FBXO36: variants seen among roughly 807,000 people sequenced by gnomAD.
FBXO36 encodes the protein F-box only protein 36.
A neutral mutation model predicts 17.0 loss-of-function variants in FBXO36; 18 were observed. The ratio of observed to expected loss-of-function variants is 1.06; its 90% CI spans 0.73 to 1.57. The LOEUF (loss-of-function observed/expected upper bound fraction) is 1.57, where lower values mean the gene tolerates loss of function less well. FBXO36 is among the 40% of genes most tolerant of loss of function. The pLI is 0.00. For missense variants in FBXO36, 229 were observed against 221.9 expected (o/e 1.03, Z -0.20); for synonymous variants, 83 against 85.3 (o/e 0.97, Z 0.15).
chr2:229,926,886 G>T (rs1177372073), intron 1 of FBXO36, among the ~76,000 whole-genome samples: 1 of 151,768 alleles, frequency 6.6e-6, no homozygotes, highest in Non-Finnish European at 1.5e-5. Context: ...TGCAACAAGA[G>T]CCTCACTCTG....
At chr2:229,928,601 CTGAATAT>C (rs901659951) in intron 1 of FBXO36, among the ~76,000 whole-genome samples, 50 of 152,292 alleles carry the variant, frequency 3.3e-4, no homozygotes, top group African/African-American at 9.1e-4. Flanking sequence ...AATATTGAGG[CTGAATAT>C]TGAATATTGA....
At chr2:229,974,722 A>G (rs373355916) in intron 1 of FBXO36, among the ~76,000 whole-genome samples, 1 of 152,152 alleles carries the variant, frequency 6.6e-6, no homozygotes, top group Non-Finnish European at 1.5e-5. Flanking sequence ...TCATTATAAC[A>G]TAGAGGCCTT....
At chr2:229,929,728 G>A (rs936999620) in intron 1 of FBXO36, among the ~76,000 whole-genome samples, 11 of 151,800 alleles carry the variant, frequency 7.2e-5, no homozygotes, top group African/African-American at 1.2e-4. Flanking sequence ...GAATGGTGGC[G>A]CACGCCTGTA....
At chr2:229,941,102 G>A (rs1038994342) in intron 1 of FBXO36, among the ~76,000 whole-genome samples, 5 of 152,086 alleles carry the variant, frequency 3.3e-5, no homozygotes, top group African/African-American at 9.7e-5. Context: ...TGAATCTACC[G>A]ACTGACCAGC....
At chr2:229,951,892 G>A (rs2077059472) in intron 1 of FBXO36, among the ~76,000 whole-genome samples, 1 of 152,172 alleles carries the variant, frequency 6.6e-6, no homozygotes, top group African/African-American at 2.4e-5. Context: ...AAGGACCCTG[G>A]AATGCTTTGG....
At chr2:229,931,895 G>A (rs1341934040) in intron 1 of FBXO36, among the ~76,000 whole-genome samples, 1 of 150,316 alleles carries the variant, frequency 6.7e-6, no homozygotes, top group Non-Finnish European at 1.5e-5. Context: ...TTTTCTTTTG[G>A]TTTTTTGCTT....
At chr2:229,987,401 C>T (rs2077274578) in intron 2 of FBXO36, among the ~76,000 whole-genome samples, 1 of 151,914 alleles carries the variant, frequency 6.6e-6, no homozygotes, top group East Asian at 1.9e-4. Flanking sequence ...TGGTAATTTA[C>T]ATTTTCTCTA....
At chr2:229,932,256 T>G (rs2076942493) in intron 1 of FBXO36, among the ~76,000 whole-genome samples, 1 of 151,630 alleles carries the variant, frequency 6.6e-6, no homozygotes. Flanking sequence ...CACGGTGGCT[T>G]ACGCCTGTTA....
At chr2:229,960,287 TCTACCTCGGCCTCCTGAGGAGCTGGGA>T (rs1285464796) in intron 1 of FBXO36, among the ~76,000 whole-genome samples, 1 of 151,456 alleles carries the variant, frequency 6.6e-6, no homozygotes, top group Non-Finnish European at 1.5e-5. Context: ...AAGTGATCCT[TCTACCTCGGCCTCCTGAGGAGCTGGGA>T]CTACATACAG....
In FBXO36 at chr2:229,996,932, C is replaced by A; in HGVS notation, c.378+9C>A. Reference sequence around the variant, plus strand: ...CACACAGATTTGCAAAGGTAACGGTCAATTATTTTATGTCTATATAGAATT... The same window carrying A: ...CACACAGATTTGCAAAGGTAACGGTAAATTATTTTATGTCTATATAGAATT... On this transcript the variant is annotated intron_variant, in intron 3 of 3. Transcript: ENST00000283946. 1.2e-6 allele frequency: 2 copies of A among 1,602,646 alleles called. No homozygotes were observed. The highest frequency in any genetic ancestry group is 2.3e-5 in the South Asian group (2 of 88,102).
Position 229,982,838 on chromosome 2 carries a change from C to T in FBXO36, c.205+6489C>T, listed in dbSNP as rs150490901. 5.1e-3 allele frequency among the ~76,000 whole-genome samples: 770 copies of T among 151,326 alleles called. 5 individuals carry two copies. Among genetic ancestry groups the T allele is most frequent in the African/African-American group, 0.017 (718 of 41,150 alleles). On this transcript the variant is annotated intron_variant, in intron 2 of 3. Coordinates refer to ENST00000283946, the MANE Select transcript of FBXO36 (RefSeq NM_174899.5). ...AATCACATCTGCACAGTTACTTTTG[C>T]CGTGTGAGGTCCCATATTCACAGGG...
intron 1 of FBXO36, among the ~76,000 whole-genome samples, chr2:229,939,948 T>C (rs1315636347): frequency 6.6e-6 from 1 of 152,078 alleles, no homozygotes; most frequent in African/African-American, 2.4e-5. Context: ...CCAGGCGTGG[T>C]GGCGCAGGCC....
intron 1 of FBXO36, among the ~76,000 whole-genome samples, chr2:229,953,822 T>G (rs1338449676): frequency 6.6e-6 from 1 of 152,112 alleles, no homozygotes. Flanking sequence ...AAATTTAAAG[T>G]ATTGAAAGCC....
chr2:229,956,881 C>T (rs980373610), intron 1 of FBXO36, among the ~76,000 whole-genome samples: 11 of 152,144 alleles, frequency 7.2e-5, no homozygotes, highest in African/African-American at 2.7e-4. Flanking sequence ...AACAACACCC[C>T]TGGGGTCTCT....
chr2:229,951,330 G>A (rs1250953697), intron 1 of FBXO36, among the ~76,000 whole-genome samples: 11 of 151,180 alleles, frequency 7.3e-5, no homozygotes, highest in Admixed American at 6.6e-4. Flanking sequence ...TACAACCTCC[G>A]CCTCCTGGGT....
At chr2:229,966,534 A>T (rs1348743664) in intron 1 of FBXO36, among the ~76,000 whole-genome samples, 2 of 152,130 alleles carry the variant, frequency 1.3e-5, no homozygotes, top group African/African-American at 4.8e-5. Flanking sequence ...TAAGTCTTTA[A>T]TCCATCTTGA....
intron 2 of FBXO36, among the ~76,000 whole-genome samples, chr2:229,982,884 C>T (rs775512402): frequency 2.0e-5 from 3 of 151,742 alleles, no homozygotes; most frequent in Non-Finnish European, 4.4e-5. Context: ...AGGACATGGA[C>T]ATCTTTGGGG....
At position 230,012,856 on chromosome 2, in the gene FBXO36, T is replaced by C. The variant is rs554960630; in HGVS notation, c.*1972T>C. ...TCAACAAACAGATTCTGAAAGCTTA[T>C]GGACATGCGCAATAGTTGATTCAGC... On this transcript the variant is annotated 3_prime_UTR_variant, in exon 4 of 4. Transcript: ENST00000283946. 6.6e-6 allele frequency: 1 copy of C among 151,826 alleles called. No individual in the cohort carries two copies. The highest frequency in any genetic ancestry group is 2.4e-5 in the African/African-American group (1 of 41,540). The allele number at this position is 151,826 out of a possible 1,614,324, so 9.4% of individuals were successfully genotyped here.
intron 1 of FBXO36, among the ~76,000 whole-genome samples, chr2:229,940,256 G>C (rs960659718): frequency 3.3e-5 from 5 of 152,158 alleles, no homozygotes; most frequent in African/African-American, 7.2e-5. Flanking sequence ...TTTTAAACAC[G>C]GATTTTGTTT....
Sources: allele counts gnomAD v4.1 joint callset (sites outside exome capture counted in the v4.1 genomes callset), GRCh38; gene constraint gnomAD v4.1.1; transcripts MANE v1.5; gene names NCBI Gene and HGNC (gene_info 2026-07-23, HGNC 2026-07-21).